The following NLN variants were observed in gnomAD, a reference collection of about 807,000 sequenced individuals.
NLN encodes neurolysin, mitochondrial.
NLN carries 64 observed loss-of-function variants against 79.9 expected under a neutral mutation model. That is an observed-to-expected ratio of 0.80 (90% CI 0.65 to 0.99). The LOEUF (loss-of-function observed/expected upper bound fraction) is 0.99. Ranked by LOEUF, NLN falls within the 50% of genes least tolerant of loss-of-function variation. The pLI is 0.00. For synonymous variants in NLN, 267 were observed against 296.6 expected, an observed-to-expected ratio of 0.90 and a Z score of 1.02; for missense variants, 835 against 858.7, an observed-to-expected ratio of 0.97 and a Z score of 0.34.
chr5:65,769,593 G>A (rs1268857329), intron 3 of NLN, among the ~76,000 whole-genome samples: 7 of 152,166 alleles, frequency 4.6e-5, no homozygotes, highest in African/African-American at 9.7e-5. Flanking sequence ...TAAATGGATG[G>A]AAGAAATTAC....
At chr5:65,819,156 T>C (rs754085400) in intron 12 of NLN, among the ~76,000 whole-genome samples, 3 of 152,070 alleles carry the variant, frequency 2.0e-5, no homozygotes, top group Non-Finnish European at 4.4e-5. Context: ...TATTAGGAGA[T>C]AGAACTAATT....
intron 9 of NLN, among the ~76,000 whole-genome samples, chr5:65,808,048 A>G (rs896482181): frequency 1.3e-5 from 2 of 152,040 alleles, no homozygotes; most frequent in Non-Finnish European, 2.9e-5. Flanking sequence ...ATTTCTGGGG[A>G]CCCTTACCTC....
At chr5:65,790,078 T>C (rs1309644596) in intron 8 of NLN, among the ~76,000 whole-genome samples, 2 of 152,246 alleles carry the variant, frequency 1.3e-5, no homozygotes, top group South Asian at 2.1e-4. Flanking sequence ...GTAATAACTA[T>C]AGATTCCATA....
intron 6 of NLN, among the ~76,000 whole-genome samples, chr5:65,781,994 G>A (rs1441098695): frequency 1.3e-5 from 2 of 152,160 alleles, no homozygotes; most frequent in African/African-American, 4.8e-5. Context: ...AACACTCCCA[G>A]TGATGGCATA....
chr5:65,788,446 A>G lies in NLN; in HGVS notation c.1287A>G (p.Gly429=). The change falls in exon 8 of 13, where the codon GGA becomes GGG. Residue 429 remains glycine, a synonymous_variant. Transcript: ENST00000380985. ...TLYTVKDKAT[G]EVLGQFYLDL... is the part of the protein sequence containing the mutation. ...ATACTGTGAAGGATAAAGCTACAGG[A>G]GAAGTATTGGGACAGTTCTATTTGG... 6.2e-7 allele frequency: 1 copy of G among 1,613,974 alleles called. No homozygotes were observed. Among genetic ancestry groups the G allele is most frequent in the South Asian group, 1.1e-5 (1 of 91,084 alleles).
intron 11 of NLN, among the ~76,000 whole-genome samples, chr5:65,810,835 AGGTG>A (rs1760528634): frequency 6.6e-6 from 1 of 152,070 alleles, no homozygotes; most frequent in South Asian, 2.1e-4. Context: ...AAAATTAGCC[AGGTG>A]TGGTGGTGTA....
chr5:65,742,944 C>G (rs1236595417), intron 1 of NLN, among the ~76,000 whole-genome samples: 1 of 152,122 alleles, frequency 6.6e-6, no homozygotes, highest in African/African-American at 2.4e-5. Context: ...TTAGGACAGA[C>G]TAATTTAGAT....
At position 65,726,768 on chromosome 5, in the gene NLN, C is replaced by T. The variant is rs368785633; in HGVS notation, c.41+4354C>T. ...ACAGTTAATCATCATATATGGTAGTCCTTAACCCAGGGCTTCCTTGACTTA... is the reference window on the plus strand; with the variant it reads ...ACAGTTAATCATCATATATGGTAGTTCTTAACCCAGGGCTTCCTTGACTTA... On this transcript the variant is annotated intron_variant, in intron 1 of 12. Coordinates refer to ENST00000380985, the MANE Select transcript of NLN (RefSeq NM_020726.5). Among the ~76,000 whole-genome samples, 65 of 152,310 alleles carry T rather than the reference C, an allele frequency of 4.3e-4. 1 individual carries two copies. The East Asian group carries it at 9.2e-3, about 22-fold the overall frequency.
intron 3 of NLN, among the ~76,000 whole-genome samples, chr5:65,770,498 A>G (rs173754): frequency 0.44 from 67,118 of 152,070 alleles, 15,918 homozygotes; most frequent in Non-Finnish European, 0.53. Flanking sequence ...AAGATTGGCA[A>G]AGATTAAGAA....
intron 1 of NLN, among the ~76,000 whole-genome samples, chr5:65,744,291 C>T (rs978871416): frequency 7.9e-5 from 12 of 152,188 alleles, no homozygotes; most frequent in Admixed American, 6.5e-5. Flanking sequence ...AGCCACCACA[C>T]CCGGCCTGCT....
chr5:65,807,983 A>G lies in NLN; in HGVS notation c.1528-1532A>G, dbSNP rs572011780. On this transcript the variant is annotated intron_variant, in intron 9 of 12. Coordinates refer to ENST00000380985, the MANE Select transcript of NLN (RefSeq NM_020726.5). ...ATTATTGTATAAGATTGTTTTATTT[A>G]TGATATAAGATGTAATCTTACACTA... Among the ~76,000 whole-genome samples the G allele has an allele frequency of 2.6e-5, 4 of 152,304 alleles. No individual in the cohort carries two copies. In the South Asian group the frequency reaches 8.3e-4, roughly 32 times the overall value.
At position 65,738,239 on chromosome 5, in the gene NLN, G is replaced by A. The variant is rs573747040; in HGVS notation, c.41+15825G>A. On this transcript the variant is annotated intron_variant, in intron 1 of 12. Transcript: ENST00000380985. ...CAGAAGGTGATAAGTACCACAGAGT[G>A]GAGAGATTGATATGGAAGATCAGGG... 1.5e-4 allele frequency among the ~76,000 whole-genome samples: 23 copies of A among 152,168 alleles called. No homozygotes were observed. The South Asian group carries it at 4.6e-3, about 30-fold the overall frequency.
chr5:65,727,480 A>G (rs1036088106), intron 1 of NLN, among the ~76,000 whole-genome samples: 3 of 152,058 alleles, frequency 2.0e-5, no homozygotes, highest in Non-Finnish European at 2.9e-5. Flanking sequence ...CAGGTTCCTT[A>G]TATTGTAAAA....
At chr5:65,774,760 C>T (rs1240403041) in intron 3 of NLN, among the ~76,000 whole-genome samples, 1 of 148,040 alleles carries the variant, frequency 6.8e-6, no homozygotes, top group African/African-American at 2.5e-5. Flanking sequence ...AGTTTTACTC[C>T]GTCACCTGGG....
At position 65,731,127 on chromosome 5, in the gene NLN, G is replaced by A. The variant is rs146544973; in HGVS notation, c.41+8713G>A. 2.9e-3 allele frequency among the ~76,000 whole-genome samples: 448 copies of A among 152,326 alleles called. 3 individuals carry two copies. The highest frequency in any genetic ancestry group is 9.8e-3 in the African/African-American group (408 of 41,578). ...TGTTTGGTGATGTAGGATGGCCACA[G>A]CTGGGGCTATTTGGCCCTCTTTCCT... On this transcript the variant is annotated intron_variant, in intron 1 of 12. Coordinates refer to ENST00000380985, the MANE Select transcript of NLN (RefSeq NM_020726.5).
chr5:65,823,174 G>A lies in NLN; in HGVS notation c.*259G>A, dbSNP rs1760838471. ...ATTTCTTTTTATGAAAGTTTCATAT[G>A]AATGTAACTTGATTTTTTACTATTA... On this transcript the variant is annotated 3_prime_UTR_variant, in exon 13 of 13. Coordinates refer to ENST00000380985, the MANE Select transcript of NLN (RefSeq NM_020726.5). 2 of 356,320 alleles carry A rather than the reference G, an allele frequency of 5.6e-6. No individual in the cohort carries two copies. Among genetic ancestry groups the A allele is most frequent in the Non-Finnish European group, 1.0e-5 (2 of 197,576 alleles). The allele number at this position is 356,320 out of a possible 1,614,324, so 22.1% of individuals were successfully genotyped here.
chr5:65,749,867 T>C (rs1289146364), intron 1 of NLN, among the ~76,000 whole-genome samples: 1 of 152,236 alleles, frequency 6.6e-6, no homozygotes, highest in Admixed American at 6.5e-5. Flanking sequence ...CCCTGCTCCC[T>C]ATGGAAAGAA....
Position 65,824,536 on chromosome 5 carries a change from T to C in NLN, c.*1621T>C, listed in dbSNP as rs371428831. ...TCTCACATCTTTCCCCCTAGACTTTTCTGTTTTTCAGTTTCAGACAAAAAA... is the reference window on the plus strand; with the variant it reads ...TCTCACATCTTTCCCCCTAGACTTTCCTGTTTTTCAGTTTCAGACAAAAAA... On this transcript the variant is annotated 3_prime_UTR_variant, in exon 13 of 13. Coordinates refer to ENST00000380985, the MANE Select transcript of NLN (RefSeq NM_020726.5). 34 of 152,324 alleles carry C rather than the reference T, an allele frequency of 2.2e-4. No individual in the cohort carries two copies. The highest frequency in any genetic ancestry group is 7.9e-4 in the African/African-American group (33 of 41,554). The allele number at this position is 152,324 out of a possible 1,614,324, so 9.4% of individuals were successfully genotyped here.
rs1208511994 is a variant in NLN at position 65,809,372 on chromosome 5, G to C, written c.1528-143G>C. 3.9e-5 allele frequency: 25 copies of C among 634,604 alleles called. No homozygotes were observed. The East Asian group carries it at 7.0e-4, about 18-fold the overall frequency. The allele number at this position is 634,604 out of a possible 1,614,324, so 39.3% of individuals were successfully genotyped here. ...CAGCTGCTGTGTTTTATTTTCACTT[G>C]ACTATGAGGTTATTCTAACCCCTCA... On this transcript the variant is annotated intron_variant, in intron 9 of 12. Transcript: ENST00000380985.
Sources: gnomAD v4.1 joint callset for allele counts (sites outside exome capture counted in the v4.1 genomes callset) on GRCh38, gnomAD v4.1.1 for gene constraint, MANE v1.5 for transcripts, NCBI Gene and HGNC (gene_info 2026-07-23, HGNC 2026-07-21) for gene names.